Variants in FGD4 observed in about 807,000 individuals in gnomAD.
FGD4 encodes the protein FYVE, RhoGEF and PH domain containing 4.
Under a neutral mutation model 102.0 loss-of-function variants are expected in FGD4, and 42 were observed. That is an observed-to-expected ratio of 0.41 (90% confidence interval 0.32 to 0.53). The LOEUF is 0.53. FGD4 is among the 20% of genes least tolerant of loss of function. FGD4 has a pLI of 0.21. For missense variants in FGD4, 902 were observed against 1,078.2 expected, an observed-to-expected ratio of 0.84 and a Z score of 2.29; for synonymous variants, 380 against 375.7, an observed-to-expected ratio of 1.01 and a Z score of -0.13.
chr12:32,501,994 G>A (rs1373624475), intron 1 of FGD4: 1 of 975,582 alleles, frequency 1.0e-6, no homozygotes, highest in Non-Finnish European at 1.2e-6. Context: ...GGCAAGCCCT[G>A]CGCATGTGAG....
At chr12:32,578,629 A>C (rs1343204560) in intron 3 of FGD4, among the ~76,000 whole-genome samples, 1 of 152,100 alleles carries the variant, frequency 6.6e-6, no homozygotes, top group East Asian at 1.9e-4. Flanking sequence ...CAGGAGTTCG[A>C]GATCAGCCTG....
chr12:32,623,609 A>G (rs1375451562), intron 11 of FGD4, among the ~76,000 whole-genome samples: 1 of 152,152 alleles, frequency 6.6e-6, no homozygotes, highest in Non-Finnish European at 1.5e-5. Flanking sequence ...CCAAGCACAT[A>G]CAAACAGACA....
At chr12:32,464,874 T>A (rs1943210506) in intron 1 of FGD4, among the ~76,000 whole-genome samples, 1 of 152,198 alleles carries the variant, frequency 6.6e-6, no homozygotes. Context: ...AGAAAATGGG[T>A]CCTAATCATA....
At chr12:32,598,363 ATG>A in intron 4 of FGD4, 132 bp from the exon 5 acceptor site, 1 of 639,244 alleles carries the variant, frequency 1.6e-6, no homozygotes, top group Non-Finnish European at 2.7e-6. Context: ...ACATCTCTTG[ATG>A]GCTGAAAGAA....
At chr12:32,441,485 T>C (rs1038275215) in intron 1 of FGD4, among the ~76,000 whole-genome samples, 2 of 151,940 alleles carry the variant, frequency 1.3e-5, no homozygotes, top group African/African-American at 4.8e-5. Context: ...TCTGGACTGG[T>C]GACTCTGACT....
intron 2 of FGD4, among the ~76,000 whole-genome samples, chr12:32,576,057 T>G (rs1946102060): frequency 6.6e-6 from 1 of 152,134 alleles, no homozygotes; most frequent in South Asian, 2.1e-4. Flanking sequence ...AAGAACCACT[T>G]AAGTTTGGAG....
intron 1 of FGD4, among the ~76,000 whole-genome samples, chr12:32,553,131 T>C (rs1447088200): frequency 6.6e-6 from 1 of 152,022 alleles, no homozygotes; most frequent in Admixed American, 6.5e-5. Flanking sequence ...CAGGGACACA[T>C]GTCCTCTAAC....
chr12:32,447,831 C>T (rs920566616), intron 1 of FGD4, among the ~76,000 whole-genome samples: 1 of 152,206 alleles, frequency 6.6e-6, no homozygotes, highest in African/African-American at 2.4e-5. Context: ...CACTTGAGTC[C>T]TTAGCATCTA....
At chr12:32,532,199 G>C (rs1941872353) in intron 1 of FGD4, among the ~76,000 whole-genome samples, 1 of 152,060 alleles carries the variant, frequency 6.6e-6, no homozygotes, top group South Asian at 2.1e-4. Context: ...CAATAAAATA[G>C]AACAATTATA....
chr12:32,473,511 A>G (rs946259481), intron 1 of FGD4, among the ~76,000 whole-genome samples: 1 of 151,942 alleles, frequency 6.6e-6, no homozygotes, highest in African/African-American at 2.4e-5. Context: ...CGAACCCACC[A>G]GAAGGAAGAA....
intron 11 of FGD4, among the ~76,000 whole-genome samples, chr12:32,622,306 A>G (rs1949891807): frequency 6.6e-6 from 1 of 152,126 alleles, no homozygotes; most frequent in African/African-American, 2.4e-5. Flanking sequence ...CAGGGTAGAT[A>G]TTTCTCAGGT....
intron 1 of FGD4, among the ~76,000 whole-genome samples, chr12:32,523,354 AC>A (rs1371897353): frequency 6.6e-6 from 1 of 152,236 alleles, no homozygotes; most frequent in Admixed American, 6.5e-5. Flanking sequence ...GGCATTAAAT[AC>A]ATTTATATTG....
chr12:32,438,760 C>A (rs1942323375), intron 1 of FGD4, among the ~76,000 whole-genome samples: 1 of 152,008 alleles, frequency 6.6e-6, no homozygotes, highest in Admixed American at 6.6e-5. Context: ...AGCCCGCCAC[C>A]ACGCCCAGCT....
intron 16 of FGD4, among the ~76,000 whole-genome samples, chr12:32,639,842 T>C (rs1182702733): frequency 6.6e-6 from 1 of 152,254 alleles, no homozygotes; most frequent in Non-Finnish European, 1.5e-5. Context: ...TATAGTTTAC[T>C]CTCCTTTATT....
rs781470561 is a variant in FGD4, at chr12:32,399,792, G to A, written c.-2G>A. 7 of 1,530,218 alleles carry A rather than the reference G, an allele frequency of 4.6e-6. No homozygotes were observed. In the South Asian group the frequency reaches 8.3e-5, roughly 18 times the overall value. 94.8% of individuals were successfully genotyped at this position (1,530,218 alleles called of 1,614,324 possible). A position where few individuals can be genotyped will look rare whatever the true frequency, so the allele number is the denominator to read the frequency against. On this transcript the variant is annotated 5_prime_UTR_variant, in exon 1 of 17. Coordinates refer to ENST00000534526, the MANE Select transcript of FGD4 (RefSeq NM_001370298.3). ...CGGGGAGCGGCGGTCGAGCCCGGCA[G>A]GATGAGCGACGAGGGCGGCTCCAAC... is the stretch of plus-strand genomic sequence containing the variant.
At chr12:32,486,251 T>C in intron 1 of FGD4, 1 of 1,070,906 alleles carries the variant, frequency 9.3e-7, no homozygotes, top group East Asian at 2.8e-5. Flanking sequence ...TATTTCTCTT[T>C]GTTTACTGTT....
chr12:32,532,815 A>G lies in FGD4; in HGVS notation c.167-31322A>G, dbSNP rs1030371871. On this transcript the variant is annotated intron_variant, in intron 1 of 16. Transcript: ENST00000534526. The stretch of plus-strand genomic sequence containing the variant: ...TTTGCAAAGGAGTTAAAAACAATTC[A>G]GGTTTCTTCTCTTTGACTTTTTTCT... Among the ~76,000 whole-genome samples, 6 of 152,310 alleles carry G rather than the reference A, an allele frequency of 3.9e-5. No homozygotes were observed. In the South Asian group the frequency reaches 1.0e-3, roughly 26 times the overall value.
rs578236753 is a variant in FGD4 at position 32,418,032 on chromosome 12, T to TTGC, written c.166+18074_166+18076dup. ...AGTGCAGTGGCACAATCTCGGCTCA[T>TTGC]TGCAAGCTCCACCTCCTGGGTTCAC... On this transcript the variant is annotated intron_variant, in intron 1 of 16. Transcript: ENST00000534526. Among the ~76,000 whole-genome samples the TTGC allele has an allele frequency of 2.0e-5, 3 of 149,414 alleles. No individual in the cohort carries two copies. The South Asian group carries it at 6.4e-4, about 32-fold the overall frequency.
intron 1 of FGD4, among the ~76,000 whole-genome samples, chr12:32,527,251 C>T (rs1176609477): frequency 6.6e-6 from 1 of 152,112 alleles, no homozygotes; most frequent in African/African-American, 2.4e-5. Flanking sequence ...TGGGATATTA[C>T]GCAGTGTTTA....
Sources: gnomAD v4.1 joint callset for allele counts (sites outside exome capture counted in the v4.1 genomes callset) on GRCh38, gnomAD v4.1.1 for gene constraint, MANE v1.5 for transcripts, NCBI Gene and HGNC (gene_info 2026-07-23, HGNC 2026-07-21) for gene names.